The following BTAF1 variants were observed in gnomAD, a reference collection of about 807,000 sequenced individuals.
BTAF1 encodes the protein TATA-binding protein-associated factor 172.
Under a neutral mutation model 227.1 loss-of-function variants are expected in BTAF1, and 38 were observed. That is an observed-to-expected ratio of 0.17 (90% CI 0.13 to 0.22). The LOEUF is 0.22. Ranked by LOEUF, BTAF1 falls within the 10% of genes least tolerant of loss-of-function variation. The probability of loss-of-function intolerance (pLI) is 1.00; values close to 1 mark genes in which losing one functional copy is unlikely to be tolerated. For synonymous variants in BTAF1, 742 were observed against 751.9 expected (o/e 0.99, Z 0.21); for missense variants, 1,598 against 2,204.0 (o/e 0.73, Z 5.51).
In BTAF1 at chr10:92,007,210, C is replaced by CTTTTTTT. The variant is rs969389265; in HGVS notation, c.3661-893_3661-887dup. Among the ~76,000 whole-genome samples, 8 of 61,278 alleles carry CTTTTTTT rather than the reference C, an allele frequency of 1.3e-4. 2 individuals are homozygous for CTTTTTTT. The highest frequency in any genetic ancestry group is 1.2e-3 in the South Asian group (2 of 1,670). 40.2% of individuals were successfully genotyped at this position (61,278 alleles called of 152,430 possible). A position where few individuals can be genotyped will look rare whatever the true frequency, so the allele number is the denominator to read the frequency against. ...ACTGCTCTATCAAGGTATTTTTTGT[C>CTTTTTTT]TTTTTTTTTTTTTTTTTTTTTTTTT... On this transcript the variant is annotated intron_variant, in intron 25 of 37. Transcript: ENST00000265990.
intron 4 of BTAF1, among the ~76,000 whole-genome samples, chr10:91,950,359 T>C (rs75444149): frequency 1.3e-5 from 2 of 151,760 alleles, no homozygotes; most frequent in Non-Finnish European, 2.9e-5. Flanking sequence ...TTTTTTTTTT[T>C]CCTGGTGCCT....
At chr10:91,948,304 A>T (rs975974972) in intron 4 of BTAF1, among the ~76,000 whole-genome samples, 1 of 151,816 alleles carries the variant, frequency 6.6e-6, no homozygotes, top group Non-Finnish European at 1.5e-5. Context: ...TCTTCCATTA[A>T]GCTGTTAAGT....
intron 4 of BTAF1, among the ~76,000 whole-genome samples, chr10:91,945,980 T>C (rs1199632046): frequency 6.6e-6 from 1 of 152,254 alleles, no homozygotes; most frequent in Non-Finnish European, 1.5e-5. Context: ...GCCATCCTAA[T>C]GGATATGATG....
At chr10:92,013,537 C>A in intron 30 of BTAF1, 130 bp from the exon 31 acceptor site, 1 of 1,192,840 alleles carries the variant, frequency 8.4e-7, no homozygotes, top group Non-Finnish European at 1.2e-6. Context: ...AAGACTTACA[C>A]CATATGTCTA....
intron 19 of BTAF1, among the ~76,000 whole-genome samples, chr10:91,988,415 A>G (rs986344291): frequency 2.0e-5 from 3 of 152,316 alleles, no homozygotes; most frequent in Middle Eastern, 3.4e-3. Context: ...TAAATCTTAT[A>G]CATTGTACAT....
chr10:91,975,494 G>GATGAATA (rs1847619675), intron 14 of BTAF1, among the ~76,000 whole-genome samples: 2 of 152,190 alleles, frequency 1.3e-5, no homozygotes, highest in South Asian at 4.1e-4. Flanking sequence ...AATAGAACAA[G>GATGAATA]GCATTATAAA....
In BTAF1 at chr10:91,925,855, A is replaced by G. The variant is rs538931114; in HGVS notation, c.14+1765A>G. 7.2e-5 allele frequency among the ~76,000 whole-genome samples: 11 copies of G among 152,298 alleles called. No homozygotes were observed. The South Asian group carries it at 8.3e-4, about 11-fold the overall frequency. ...ATTTTAGGACAGTTAATATTTCTCA[A>G]TGACTGAGTGGGTTTTGAAGGTACT... On this transcript the variant is annotated intron_variant, in intron 1 of 37. Coordinates refer to ENST00000265990, the MANE Select transcript of BTAF1 (RefSeq NM_003972.3).
chr10:92,017,685 A>G (rs964145965), intron 33 of BTAF1, among the ~76,000 whole-genome samples: 12 of 151,752 alleles, frequency 7.9e-5, no homozygotes, highest in Non-Finnish European at 2.9e-5. Flanking sequence ...AATTTTTAAA[A>G]ATTTTTTTAG....
At chr10:91,958,709 C>A (rs903925562) in intron 8 of BTAF1, among the ~76,000 whole-genome samples, 1 of 151,968 alleles carries the variant, frequency 6.6e-6, no homozygotes. Context: ...TCTCGAAAAA[C>A]AAACAAACAA....
intron 25 of BTAF1, among the ~76,000 whole-genome samples, chr10:92,003,460 G>A (rs1038904254): frequency 1.3e-5 from 2 of 152,090 alleles, no homozygotes; most frequent in Non-Finnish European, 2.9e-5. Flanking sequence ...GCTTCCATGA[G>A]TTTGACATTT....
rs1048270730 is a variant in BTAF1 at position 91,959,766 on chromosome 10, A to G, written c.991-19A>G. 10 of 586,584 alleles carry G rather than the reference A, an allele frequency of 1.7e-5. No individual in the cohort carries two copies. Among genetic ancestry groups the G allele is most frequent in the Admixed American group, 3.6e-5 (1 of 27,498 alleles). The allele number at this position is 586,584 out of a possible 1,614,324, so 36.3% of individuals were successfully genotyped here. On this transcript the variant is annotated intron_variant, in intron 9 of 37. Transcript: ENST00000265990. Reference sequence around the variant, plus strand: ...TATATATATATATATATATATATATATATATTATATTTTAACAGATGATTC... The same window carrying G: ...TATATATATATATATATATATATATGTATATTATATTTTAACAGATGATTC...
intron 18 of BTAF1, 76 bp downstream of exon 18, chr10:91,982,837 C>T (rs1446280527): frequency 1.4e-6 from 2 of 1,382,488 alleles, no homozygotes. Context: ...TTATTTACAA[C>T]AGAAAAGTGA....
intron 25 of BTAF1, among the ~76,000 whole-genome samples, chr10:92,003,100 G>A (rs1849657000): frequency 6.7e-6 from 1 of 150,366 alleles, no homozygotes; most frequent in South Asian, 2.1e-4. Flanking sequence ...AGGTTGCAGT[G>A]AGTTGAGATG....
chr10:92,023,481 C>A (rs1386532407), intron 34 of BTAF1, among the ~76,000 whole-genome samples: 1 of 152,024 alleles, frequency 6.6e-6, no homozygotes, highest in Non-Finnish European at 1.5e-5. Flanking sequence ...GTCAGGAGTT[C>A]GAAACCAACC....
chr10:91,996,660 C>G (rs1849165030), intron 24 of BTAF1, 90 bp downstream of exon 24: 1 of 1,229,300 alleles, frequency 8.1e-7, no homozygotes, highest in Admixed American at 2.2e-5. Flanking sequence ...CTAATATGCA[C>G]ATAAATAACC....
intron 32 of BTAF1, among the ~76,000 whole-genome samples, chr10:92,015,190 T>C (rs1464594121): frequency 6.6e-6 from 1 of 152,248 alleles, no homozygotes; most frequent in Non-Finnish European, 1.5e-5. Flanking sequence ...TAAAGGAATT[T>C]ATTGTGAGCC....
rs375243421 is a variant in BTAF1 at position 91,989,190 on chromosome 10, G to T, written c.2464G>T (p.Asp822Tyr). 1.2e-6 allele frequency: 2 copies of T among 1,612,464 alleles called. No homozygotes were observed. Among genetic ancestry groups the T allele is most frequent in the South Asian group, 2.2e-5 (2 of 90,900 alleles). The stretch of plus-strand genomic sequence containing the variant: ...TTTTAATGAAGCCACATCATCTTTC[G>T]ATTTAAATCCTCAAGTGTTACAACA... Reference protein sequence around the residue: ...TVFNEATSSFDLNPQVLQQLD... With the variant: ...TVFNEATSSFYLNPQVLQQLD... The change falls in exon 20 of 38, where the codon GAT (aspartate) becomes TAT (tyrosine). Residue 822 changes from aspartate (D) to tyrosine (Y), a missense_variant. Asp to Tyr is a radical substitution (Grantham distance 160). Around this residue, in one of 10 missense-constraint regions of BTAF1, gnomAD observed 318 missense variants for 435.0 expected, o/e 0.73. Coordinates refer to ENST00000265990, the MANE Select transcript of BTAF1 (RefSeq NM_003972.3).
In BTAF1 at chr10:91,961,451, T is replaced by C. The variant is rs1589817106; in HGVS notation, c.1264-1087T>C. Among the ~76,000 whole-genome samples the C allele has an allele frequency of 1.9e-4, 3 of 15,432 alleles. No homozygotes were observed. In the South Asian group the frequency reaches 0.017, roughly 89 times the overall value. 10.1% of individuals were successfully genotyped at this position (15,432 alleles called of 152,430 possible). A position where few individuals can be genotyped will look rare whatever the true frequency, so the allele number is the denominator to read the frequency against. On this transcript the variant is annotated intron_variant, in intron 11 of 37. Coordinates refer to ENST00000265990, the MANE Select transcript of BTAF1 (RefSeq NM_003972.3). Reference sequence around the variant, plus strand: ...CCTTTTGAAGTTTTCTAAGATTGTCTTTTTTTTTTTTTCCCTTCTTTAACT... The same window carrying C: ...CCTTTTGAAGTTTTCTAAGATTGTCCTTTTTTTTTTTTCCCTTCTTTAACT...
intron 1 of BTAF1, among the ~76,000 whole-genome samples, chr10:91,930,521 A>G (rs765878903): frequency 2.6e-5 from 4 of 152,146 alleles, no homozygotes; most frequent in African/African-American, 7.2e-5. Flanking sequence ...ACACCTTCAT[A>G]TTGATTCTTA....
Sources: gnomAD v4.1 joint callset for allele counts (sites outside exome capture counted in the v4.1 genomes callset) on GRCh38, gnomAD v4.1.1 for gene constraint, gnomAD v4.1.1 regional missense constraint, MANE v1.5 for transcripts, NCBI Gene and HGNC (gene_info 2026-07-23, HGNC 2026-07-21) for gene names.